KCNK1: variants seen among roughly 807,000 people sequenced by gnomAD.
The protein encoded by KCNK1 is potassium channel subfamily K member 1.
KCNK1 carries 10 observed loss-of-function variants against 22.2 expected under a neutral mutation model. The ratio of observed to expected loss-of-function variants is 0.45; its 90% CI spans 0.28 to 0.76. KCNK1 has a LOEUF of 0.76. Among genes scored for constraint, KCNK1 ranks in the 30% least tolerant of loss-of-function variants. The pLI, the probability that KCNK1 is intolerant of heterozygous loss-of-function variation, is 0.14. For missense variants in KCNK1, 378 were observed against 421.0 expected (o/e 0.90, Z 0.89); for synonymous variants, 200 against 186.4 (o/e 1.07, Z -0.60).
chr1:233,641,453 A>G (rs1657998193), intron 1 of KCNK1, among the ~76,000 whole-genome samples: 1 of 152,258 alleles, frequency 6.6e-6, no homozygotes, highest in Non-Finnish European at 1.5e-5. Flanking sequence ...GTGATGTACA[A>G]TTAAGATTGC....
chr1:233,631,587 A>G, intron 1 of KCNK1: 1 of 279,150 alleles, frequency 3.6e-6, no homozygotes, highest in Admixed American at 4.5e-5. Context: ...CCCTACCCTC[A>G]CTCATCATCT....
intron 1 of KCNK1, among the ~76,000 whole-genome samples, chr1:233,656,457 G>A (rs1658296247): frequency 6.6e-6 from 1 of 152,142 alleles, no homozygotes; most frequent in African/African-American, 2.4e-5. Flanking sequence ...AGTGTCAGCT[G>A]CCAGGCCTGC....
chr1:233,671,201 G>A, intron 2 of KCNK1, 70 bp from the exon 3 acceptor site: 1 of 1,406,842 alleles, frequency 7.1e-7, no homozygotes, highest in Non-Finnish European at 1.0e-6. Flanking sequence ...GAGGTGGGGA[G>A]GTAAATCACT....
At chr1:233,656,601 C>G (rs1005160584) in intron 1 of KCNK1, among the ~76,000 whole-genome samples, 4 of 152,128 alleles carry the variant, frequency 2.6e-5, no homozygotes, top group African/African-American at 9.7e-5. Context: ...GACAAAGCTT[C>G]AATTATTTAT....
At chr1:233,641,545 G>A (rs1170097208) in intron 1 of KCNK1, among the ~76,000 whole-genome samples, 16 of 152,206 alleles carry the variant, frequency 1.1e-4, no homozygotes, top group Admixed American at 1.0e-3. Flanking sequence ...CACACTGTAA[G>A]GTCTGGCAGT....
chr1:233,657,904 C>A (rs764374089), intron 1 of KCNK1, among the ~76,000 whole-genome samples: 1 of 151,990 alleles, frequency 6.6e-6, no homozygotes, highest in Non-Finnish European at 1.5e-5. Context: ...CAGGTACTCA[C>A]CAGCTTAGAG....
At chr1:233,664,114 G>A (rs930362358) in intron 1 of KCNK1, among the ~76,000 whole-genome samples, 1 of 152,088 alleles carries the variant, frequency 6.6e-6, no homozygotes, top group Admixed American at 6.5e-5. Flanking sequence ...ATAGGGGTGA[G>A]CCACCGTGCC....
At chr1:233,635,718 A>G (rs542078088) in intron 1 of KCNK1, among the ~76,000 whole-genome samples, 45 of 152,328 alleles carry the variant, frequency 3.0e-4, no homozygotes, top group Admixed American at 7.2e-4. Context: ...TGTGCCAGGC[A>G]TGTTTTTAGA....
intron 1 of KCNK1, among the ~76,000 whole-genome samples, chr1:233,647,730 G>A (rs1405595513): frequency 6.6e-6 from 1 of 152,130 alleles, no homozygotes; most frequent in African/African-American, 2.4e-5. Flanking sequence ...AGCATGTGTG[G>A]GTGAGCTCCT....
rs1658470723 is a variant in KCNK1, at chr1:233,665,349, A to C, written c.356-1246A>C. 2.6e-5 allele frequency among the ~76,000 whole-genome samples: 4 copies of C among 152,212 alleles called. No individual in the cohort carries two copies. In the South Asian group the frequency reaches 8.3e-4, roughly 32 times the overall value. On this transcript the variant is annotated intron_variant, in intron 1 of 2. Coordinates refer to ENST00000366621, the MANE Select transcript of KCNK1 (RefSeq NM_002245.4). ...GTCACACTTTTACTGATGCTATTTCAGTCACAAAAGCCAGGAGCTGCATGG... is the reference window on the plus strand; with the variant it reads ...GTCACACTTTTACTGATGCTATTTCCGTCACAAAAGCCAGGAGCTGCATGG...
intron 1 of KCNK1, among the ~76,000 whole-genome samples, chr1:233,662,266 CT>C (rs1558119281): frequency 3.8e-4 from 52 of 138,272 alleles, no homozygotes; most frequent in East Asian, 3.3e-3. Flanking sequence ...TCTTCTTCTT[CT>C]TCTTCTCCTC....
chr1:233,663,840 C>CG (rs754799483), intron 1 of KCNK1, among the ~76,000 whole-genome samples: 69 of 150,468 alleles, frequency 4.6e-4, no homozygotes, highest in African/African-American at 1.1e-3. Context: ...TTTTTTTTTG[C>CG]GGGGGGGTGG....
intron 1 of KCNK1, among the ~76,000 whole-genome samples, chr1:233,655,220 T>C (rs577152089): frequency 1.3e-5 from 2 of 152,230 alleles, no homozygotes; most frequent in Non-Finnish European, 2.9e-5. Flanking sequence ...TTTCTTTCTA[T>C]TCTTTTCTTT....
At chr1:233,615,019 C>T (rs1017308668) in intron 1 of KCNK1, among the ~76,000 whole-genome samples, 1 of 152,238 alleles carries the variant, frequency 6.6e-6, no homozygotes, top group African/African-American at 2.4e-5. Context: ...GTAATAATAC[C>T]TTCTAAAGGG....
At chr1:233,618,557 G>C (rs976310287) in intron 1 of KCNK1, among the ~76,000 whole-genome samples, 1 of 152,148 alleles carries the variant, frequency 6.6e-6, no homozygotes, top group African/African-American at 2.4e-5. Context: ...ATTCCCCAAA[G>C]CAAGGCCATG....
rs149492220 is a variant in KCNK1, at chr1:233,666,539, C to T, written c.356-56C>T. 1.7e-3 allele frequency: 2,576 copies of T among 1,516,662 alleles called. 11 individuals carry two copies. The highest frequency in any genetic ancestry group is 6.1e-3 in the Middle Eastern group (34 of 5,604). 94.0% of individuals were successfully genotyped at this position (1,516,662 alleles called of 1,614,324 possible). On this transcript the variant is annotated intron_variant, in intron 1 of 2. Coordinates refer to ENST00000366621, the MANE Select transcript of KCNK1 (RefSeq NM_002245.4). ...ATGATAGGCATATATTGTTTAAAAA[C>T]GTGTTTGCCACTTTGTCTCTTCCTC...
chr1:233,642,011 T>C (rs945808801), intron 1 of KCNK1, among the ~76,000 whole-genome samples: 5 of 152,152 alleles, frequency 3.3e-5, no homozygotes, highest in Admixed American at 6.5e-5. Context: ...CTGTCTTCAG[T>C]GGTTAGCTTT....
At chr1:233,626,981 T>A (rs1657699720) in intron 1 of KCNK1, among the ~76,000 whole-genome samples, 1 of 152,204 alleles carries the variant, frequency 6.6e-6, no homozygotes, top group African/African-American at 2.4e-5. Context: ...AGGTGGTTTC[T>A]GTTTTTAGGA....
intron 1 of KCNK1, among the ~76,000 whole-genome samples, chr1:233,635,124 T>G (rs1215478318): frequency 6.6e-6 from 1 of 152,236 alleles, no homozygotes; most frequent in African/African-American, 2.4e-5. Context: ...TTTTTTCTTT[T>G]AGAAACTACT....
Sources: gnomAD v4.1 joint callset for allele counts (sites outside exome capture counted in the v4.1 genomes callset) on GRCh38, gnomAD v4.1.1 for gene constraint, MANE v1.5 for transcripts, NCBI Gene and HGNC (gene_info 2026-07-23, HGNC 2026-07-21) for gene names.